Variants in DNAAF9 observed in about 807,000 individuals in gnomAD.
The protein encoded by DNAAF9 is dynein axonemal assembly factor 9, also known as shulin.
Under a neutral mutation model 167.0 loss-of-function variants are expected in DNAAF9, and 90 were observed. The observed-to-expected ratio is 0.54, with a 90% CI of 0.45 to 0.64. DNAAF9 has a LOEUF of 0.64. DNAAF9 is among the 30% of genes least tolerant of loss of function. DNAAF9 has a pLI of 0.00. For synonymous variants in DNAAF9, 491 were observed against 508.8 expected (o/e 0.96, Z 0.47); for missense variants, 1,315 against 1,442.2 (o/e 0.91, Z 1.43).
intron 29 of DNAAF9, among the ~76,000 whole-genome samples, chr20:3,273,263 C>T (rs988396543): frequency 6.6e-6 from 1 of 152,166 alleles, no homozygotes; most frequent in Non-Finnish European, 1.5e-5. Context: ...TATACTGATA[C>T]TATTTACTTC....
At chr20:3,341,362 C>G (rs1437576155) in intron 9 of DNAAF9, among the ~76,000 whole-genome samples, 2 of 152,178 alleles carry the variant, frequency 1.3e-5, no homozygotes, top group Non-Finnish European at 2.9e-5. Context: ...ACTGCAAGAA[C>G]TGCAGTGCAA....
At chr20:3,368,740 G>C (rs187738204) in intron 6 of DNAAF9, among the ~76,000 whole-genome samples, 5 of 151,948 alleles carry the variant, frequency 3.3e-5, no homozygotes, top group Admixed American at 2.6e-4. Flanking sequence ...GGATGGTCTC[G>C]ATCTCCTGAC....
At chr20:3,293,493 T>C (rs2069004116) in intron 25 of DNAAF9, among the ~76,000 whole-genome samples, 1 of 150,014 alleles carries the variant, frequency 6.7e-6, no homozygotes, top group African/African-American at 2.5e-5. Flanking sequence ...GAGACCAGCC[T>C]AGTCAACATG....
intron 29 of DNAAF9, among the ~76,000 whole-genome samples, chr20:3,275,478 C>T (rs2068661667): frequency 6.6e-6 from 1 of 152,192 alleles, no homozygotes; most frequent in Non-Finnish European, 1.5e-5. Context: ...GTACAAAGTC[C>T]TGTCTGCTGC....
intron 7 of DNAAF9, among the ~76,000 whole-genome samples, chr20:3,358,726 G>T (rs963034515): frequency 1.3e-5 from 2 of 152,172 alleles, no homozygotes; most frequent in African/African-American, 4.8e-5. Context: ...TGTCCCCACA[G>T]AAGCAAGAAA....
At chr20:3,341,800 C>G (rs972131935) in intron 9 of DNAAF9, among the ~76,000 whole-genome samples, 1 of 151,986 alleles carries the variant, frequency 6.6e-6, no homozygotes, top group African/African-American at 2.4e-5. Context: ...TTTTTTGAGA[C>G]GGAGTCTTGC....
In DNAAF9 at chr20:3,278,895, T is replaced by C. The variant is rs2049273700; in HGVS notation, c.2650+17A>G. 1.3e-6 allele frequency: 2 copies of C among 1,565,990 alleles called. No individual in the cohort carries two copies. The highest frequency in any genetic ancestry group is 8.8e-7 in the Non-Finnish European group (1 of 1,136,332). On this transcript the variant is annotated intron_variant, in intron 29 of 36. Coordinates refer to ENST00000252032, the MANE Select transcript of DNAAF9 (RefSeq NM_001009984.3). The stretch of plus-strand genomic sequence containing the variant: ...ACTTGCAAGGCATGCAGGCTGAAAA[T>C]AAAGTATATTACTTACCTTGTGAAC...
chr20:3,373,248 C>T (rs184729355), intron 6 of DNAAF9, among the ~76,000 whole-genome samples: 20 of 152,316 alleles, frequency 1.3e-4, no homozygotes, highest in South Asian at 8.3e-4. Context: ...TAGCTCTGTG[C>T]CTTGCTTCTA....
At position 3,343,657 on chromosome 20, in the gene DNAAF9, C is replaced by T. The variant is rs1450788020; in HGVS notation, c.845+19G>A. On this transcript the variant is annotated intron_variant, in intron 9 of 36. Transcript: ENST00000252032. Reference sequence around the variant, plus strand: ...TTCTCTATCACCATTCGCCCTTCTTCCCCAAGAAAGAAACTTACCTGTTTT... The same window carrying T: ...TTCTCTATCACCATTCGCCCTTCTTTCCCAAGAAAGAAACTTACCTGTTTT... The T allele has an allele frequency of 6.2e-7, 1 of 1,602,212 alleles. No individual in the cohort carries two copies. The highest frequency in any genetic ancestry group is 1.1e-5 in the South Asian group (1 of 90,128).
intron 9 of DNAAF9, 150 bp downstream of exon 9, chr20:3,343,526 G>A (rs2123119009): frequency 1.5e-6 from 1 of 646,520 alleles, no homozygotes; most frequent in Non-Finnish European, 2.8e-6. Flanking sequence ...CATTTACAGA[G>A]TACAGATTTC....
chr20:3,299,927 A>C (rs754112636), intron 21 of DNAAF9, among the ~76,000 whole-genome samples: 29 of 152,116 alleles, frequency 1.9e-4, no homozygotes, highest in Non-Finnish European at 3.5e-4. Context: ...TTTGAGACAC[A>C]GTTTTCACTC....
intron 1 of DNAAF9, among the ~76,000 whole-genome samples, chr20:3,397,411 T>G (rs1260818888): frequency 6.6e-6 from 1 of 152,138 alleles, no homozygotes; most frequent in Non-Finnish European, 1.5e-5. Context: ...CTCCGCCTCC[T>G]GGGTTCACAC....
intron 7 of DNAAF9, among the ~76,000 whole-genome samples, chr20:3,351,771 T>C (rs969930162): frequency 2.0e-5 from 3 of 152,212 alleles, no homozygotes; most frequent in Non-Finnish European, 4.4e-5. Flanking sequence ...GTTCTGTTGC[T>C]TTGCTTTACA....
At chr20:3,366,876 G>C (rs1321721713) in intron 6 of DNAAF9, among the ~76,000 whole-genome samples, 1 of 150,198 alleles carries the variant, frequency 6.7e-6, no homozygotes. Flanking sequence ...ACTGAGCCGT[G>C]ATCACACCAC....
intron 1 of DNAAF9, among the ~76,000 whole-genome samples, chr20:3,394,870 T>A (rs2083876718): frequency 6.6e-6 from 1 of 151,804 alleles, no homozygotes; most frequent in East Asian, 1.9e-4. Context: ...GTATACAGAT[T>A]ACTTTTATAG....
chr20:3,276,930 A>C (rs1011374031), intron 29 of DNAAF9, among the ~76,000 whole-genome samples: 1 of 152,050 alleles, frequency 6.6e-6, no homozygotes, highest in Non-Finnish European at 1.5e-5. Flanking sequence ...TCTCTGAGTC[A>C]ATCTTCACTT....
chr20:3,303,500 T>C (rs2122981852), intron 21 of DNAAF9, among the ~76,000 whole-genome samples: 1 of 152,320 alleles, frequency 6.6e-6, no homozygotes. Flanking sequence ...TCATGATGCA[T>C]TCTTTCTTCC....
intron 10 of DNAAF9, among the ~76,000 whole-genome samples, chr20:3,334,672 A>G (rs1249116060): frequency 6.6e-6 from 1 of 152,240 alleles, no homozygotes; most frequent in Non-Finnish European, 1.5e-5. Flanking sequence ...CCCACCGGCA[A>G]TAAATCAGAG....
At chr20:3,343,073 A>G (rs2070119589) in intron 9 of DNAAF9, among the ~76,000 whole-genome samples, 1 of 152,144 alleles carries the variant, frequency 6.6e-6, no homozygotes, top group African/African-American at 2.4e-5. Context: ...GTTAGGTCCC[A>G]TTTATTTATT....
Sources: allele counts gnomAD v4.1 joint callset (sites outside exome capture counted in the v4.1 genomes callset), GRCh38; gene constraint gnomAD v4.1.1; transcripts MANE v1.5; gene names NCBI Gene and HGNC (gene_info 2026-07-23, HGNC 2026-07-21).